The following SLC25A16 variants were observed in gnomAD, a reference collection of about 807,000 sequenced individuals.
The protein encoded by SLC25A16 is mitochondrial coenzyme A transporter SLC25A16.
In SLC25A16, 39 loss-of-function variants were observed where a neutral mutation model predicts 41.5. That is an observed-to-expected ratio of 0.94 (90% CI 0.73 to 1.23). SLC25A16 has a LOEUF of 1.23. SLC25A16 is among the 50% of genes most tolerant of loss of function. The pLI is 0.00. For synonymous variants in SLC25A16, 146 were observed against 147.8 expected (o/e 0.99, Z 0.09); for missense variants, 421 against 426.9 (o/e 0.99, Z 0.12).
chr10:68,480,916 C>A lies in SLC25A16; in HGVS notation c.*2516G>T, dbSNP rs1225919370. The A allele has an allele frequency of 7.2e-6, 1 of 138,376 alleles. No individual in the cohort carries two copies. Among genetic ancestry groups the A allele is most frequent in the African/African-American group, 2.9e-5 (1 of 34,724 alleles). The allele number at this position is 138,376 out of a possible 1,614,324, so 8.6% of individuals were successfully genotyped here. On this transcript the variant is annotated 3_prime_UTR_variant, in exon 9 of 9. Coordinates refer to ENST00000609923, the MANE Select transcript of SLC25A16 (RefSeq NM_152707.4). Reference sequence around the variant, plus strand: ...GAACACATGTATTTCTTTTTTTTTTCTTTTATACAGTCTCTGTATAAAAGA... The same window carrying A: ...GAACACATGTATTTCTTTTTTTTTTATTTTATACAGTCTCTGTATAAAAGA...
At chr10:68,520,970 C>T (rs1285833072) in intron 1 of SLC25A16, among the ~76,000 whole-genome samples, 1 of 151,430 alleles carries the variant, frequency 6.6e-6, no homozygotes, top group African/African-American at 2.4e-5. Context: ...CCCGTCTCCA[C>T]TAAAACTACA....
chr10:68,491,439 G>A (rs113987440), intron 6 of SLC25A16, among the ~76,000 whole-genome samples: 2,251 of 152,058 alleles, frequency 0.015, 66 homozygotes, highest in African/African-American at 0.051. Flanking sequence ...TGGTCAGGCT[G>A]GTCTCAAACT....
At chr10:68,502,618 T>C (rs1177358051) in intron 4 of SLC25A16, among the ~76,000 whole-genome samples, 1 of 149,488 alleles carries the variant, frequency 6.7e-6, no homozygotes, top group Non-Finnish European at 1.5e-5. Context: ...TAGTTCCAGC[T>C]ACTTTTGGGA....
chr10:68,493,394 AT>A, intron 5 of SLC25A16, 54 bp downstream of exon 5: 1 of 1,461,868 alleles, frequency 6.8e-7, no homozygotes, highest in Non-Finnish European at 9.5e-7. Flanking sequence ...CATTCAAAAT[AT>A]TTTCCTAAGT....
chr10:68,482,519 TCA>T lies in SLC25A16; in HGVS notation c.*911_*912del, dbSNP rs1418842955. On this transcript the variant is annotated 3_prime_UTR_variant, in exon 9 of 9. Transcript: ENST00000609923. ...ATTCACATCTATATTAATAAATATT[TCA>T]CAGTCTACTTAAATATTCTACTATA... The T allele has an allele frequency of 1.3e-5, 2 of 152,610 alleles. No individual in the cohort carries two copies. Among genetic ancestry groups the T allele is most frequent in the African/African-American group, 2.4e-5 (1 of 41,450 alleles). 9.5% of individuals were successfully genotyped at this position (152,610 alleles called of 1,614,324 possible).
At chr10:68,498,320 TTTC>T (rs2052785037) in intron 4 of SLC25A16, among the ~76,000 whole-genome samples, 1 of 149,870 alleles carries the variant, frequency 6.7e-6, no homozygotes, top group South Asian at 2.1e-4. Context: ...TTTTTAACTT[TTTC>T]TTTTTTTTTT....
chr10:68,483,476 A>G lies in SLC25A16; in HGVS notation c.955T>C (p.Phe319Leu), dbSNP rs765402543. The change falls in exon 9 of 9, where the codon TTT becomes CTT. Residue 319 changes from phenylalanine (F) to leucine (L), a missense_variant. Coordinates refer to ENST00000609923, the MANE Select transcript of SLC25A16 (RefSeq NM_152707.4). ...TGCTTCATAAGTTCGTATGTTGTAA[A>G]AGCCACTGCTTGAGAGGGAATACAG... ...IRCIPSQAVAFTTYELMKQFF... is the reference protein window; with the variant it reads ...IRCIPSQAVALTTYELMKQFF... 6.2e-7 allele frequency: 1 copy of G among 1,610,270 alleles called. No individual in the cohort carries two copies.
intron 3 of SLC25A16, 33 bp from the exon 4 acceptor site, chr10:68,503,728 ATTT>A (rs774173998): frequency 7.7e-7 from 1 of 1,303,794 alleles, no homozygotes. Flanking sequence ...TAAATGAGAT[ATTT>A]TTTAAATGCT....
intron 4 of SLC25A16, among the ~76,000 whole-genome samples, chr10:68,501,551 G>C (rs1468843839): frequency 6.7e-6 from 1 of 149,040 alleles, no homozygotes; most frequent in Non-Finnish European, 1.5e-5. Context: ...GGAGAGGAGA[G>C]AATGAGGGGA....
intron 2 of SLC25A16, among the ~76,000 whole-genome samples, chr10:68,512,349 T>C (rs1481186935): frequency 7.1e-6 from 1 of 141,718 alleles, no homozygotes; most frequent in Admixed American, 7.2e-5. Context: ...TAAAGATAAA[T>C]GATATTGGCC....
At chr10:68,493,278 A>G in intron 5 of SLC25A16, 80 bp from the exon 6 acceptor site, 2 of 1,201,614 alleles carry the variant, frequency 1.7e-6, no homozygotes, top group Non-Finnish European at 2.4e-6. Flanking sequence ...CACACTTTAT[A>G]ACAGAAAAAT....
In SLC25A16 at chr10:68,482,660, G is replaced by A. The variant is rs1349799095; in HGVS notation, c.*772C>T. 1 of 152,080 alleles carries A rather than the reference G, an allele frequency of 6.6e-6. No individual in the cohort carries two copies. Among genetic ancestry groups the A allele is most frequent in the Non-Finnish European group, 1.5e-5 (1 of 68,030 alleles). The allele number at this position is 152,080 out of a possible 1,614,324, so 9.4% of individuals were successfully genotyped here. On this transcript the variant is annotated 3_prime_UTR_variant, in exon 9 of 9. Transcript: ENST00000609923. ...AACACACTGACATTTTAAAACACAT[G>A]TAAGTCACTCATAGTACCTCATAAT... is the stretch of plus-strand genomic sequence containing the variant.
intron 4 of SLC25A16, among the ~76,000 whole-genome samples, chr10:68,496,990 A>C (rs1212261667): frequency 1.3e-5 from 2 of 152,086 alleles, no homozygotes; most frequent in African/African-American, 4.8e-5. Context: ...AGGATTTCTT[A>C]AAAAAGGAAC....
chr10:68,510,578 C>T (rs539931089), intron 2 of SLC25A16, among the ~76,000 whole-genome samples: 153 of 152,104 alleles, frequency 1.0e-3, no homozygotes, highest in African/African-American at 3.5e-3. Flanking sequence ...CGGTGGCTTA[C>T]GCCTATAATC....
At chr10:68,512,319 T>C (rs1271771557) in intron 2 of SLC25A16, among the ~76,000 whole-genome samples, 1 of 152,108 alleles carries the variant, frequency 6.6e-6, no homozygotes, top group Non-Finnish European at 1.5e-5. Context: ...ATACATAAAT[T>C]AGTCTAATAG....
At chr10:68,526,359 A>C (rs1486825634) in intron 1 of SLC25A16, among the ~76,000 whole-genome samples, 1 of 152,176 alleles carries the variant, frequency 6.6e-6, no homozygotes, top group East Asian at 1.9e-4. Flanking sequence ...ATTGTCTATG[A>C]CGCAAAGACC....
At chr10:68,484,422 AT>A (rs2052526313) in intron 8 of SLC25A16, among the ~76,000 whole-genome samples, 2 of 142,578 alleles carry the variant, frequency 1.4e-5, no homozygotes, top group Admixed American at 1.4e-4. Context: ...CTTTTCAAAA[AT>A]CTTTTTTTTT....
intron 2 of SLC25A16, 131 bp from the exon 3 acceptor site, chr10:68,506,849 T>C: frequency 1.9e-6 from 1 of 521,942 alleles, no homozygotes; most frequent in Non-Finnish European, 3.2e-6. Context: ...ACATGAATAG[T>C]AATTTCTATA....
intron 6 of SLC25A16, 67 bp downstream of exon 6, chr10:68,493,065 G>GA (rs11288507): frequency 0.15 from 106,150 of 729,652 alleles, no homozygotes; most frequent in East Asian, 0.19. Flanking sequence ...TACCATTTCA[G>GA]AAAAAAAAAA....
Sources: gnomAD v4.1 joint callset for allele counts (sites outside exome capture counted in the v4.1 genomes callset) on GRCh38, gnomAD v4.1.1 for gene constraint, MANE v1.5 for transcripts, NCBI Gene and HGNC (gene_info 2026-07-23, HGNC 2026-07-21) for gene names.